Variants in CA8 observed in about 807,000 individuals in gnomAD.
CA8 encodes carbonic anhydrase-related protein.
Under a neutral mutation model 41.4 loss-of-function variants are expected in CA8, and 22 were observed. The observed-to-expected ratio is 0.53, with a 90% confidence interval of 0.38 to 0.76. The LOEUF (loss-of-function observed/expected upper bound fraction) is 0.76. Ranked by LOEUF, CA8 falls within the 30% of genes least tolerant of loss-of-function variation. CA8 has a pLI of 0.00. For missense variants in CA8, 270 were observed against 352.8 expected (o/e 0.77, Z 1.88); for synonymous variants, 121 against 130.6 (o/e 0.93, Z 0.50).
intron 2 of CA8, among the ~76,000 whole-genome samples, chr8:60,271,529 GA>G (rs1182514148): frequency 2.6e-5 from 4 of 152,134 alleles, no homozygotes; most frequent in Non-Finnish European, 5.9e-5. Flanking sequence ...GTTTGGGGGG[GA>G]AAAGTAGGAT....
At chr8:60,267,396 A>T (rs1000964205) in intron 2 of CA8, among the ~76,000 whole-genome samples, 1 of 152,232 alleles carries the variant, frequency 6.6e-6, no homozygotes, top group Admixed American at 6.5e-5. Context: ...AGCAAGAAGT[A>T]ACTTTAATTT....
chr8:60,267,489 G>C (rs983043816), intron 2 of CA8, among the ~76,000 whole-genome samples: 1 of 152,192 alleles, frequency 6.6e-6, no homozygotes, highest in African/African-American at 2.4e-5. Context: ...TATGATTTTA[G>C]ATTTTAGTGT....
intron 7 of CA8, among the ~76,000 whole-genome samples, chr8:60,210,801 G>A (rs989133834): frequency 6.6e-6 from 1 of 152,146 alleles, no homozygotes; most frequent in African/African-American, 2.4e-5. Flanking sequence ...GCAATCAGCT[G>A]TTTAATCTAC....
At chr8:60,206,223 G>A (rs1806573111) in intron 8 of CA8, among the ~76,000 whole-genome samples, 3 of 152,112 alleles carry the variant, frequency 2.0e-5, no homozygotes, top group African/African-American at 7.2e-5. Flanking sequence ...CTTCCTTTTA[G>A]AAATAGTACC....
At position 60,208,829 on chromosome 8, in the gene CA8, T is replaced by C; in HGVS notation, c.829A>G (p.Thr277Ala). The part of the protein sequence containing the change: ...DGILGDNFRP[T>A]QPLSDRVIRA... The stretch of plus-strand genomic sequence containing the variant: ...ATGACTCTGTCACTAAGAGGCTGAG[T>C]GGGCCGAAAGTTGTCTCCCAAAATC... Residue 277 changes from threonine (T) to alanine (A), a missense_variant, in exon 8 of 9, where the codon ACT becomes GCT. This residue lies in a region of CA8 where 141 missense variants were observed against 191.6 expected (regional missense o/e 0.74). Coordinates refer to ENST00000317995, the MANE Select transcript of CA8 (RefSeq NM_004056.6). 3 of 1,614,136 alleles carry C rather than the reference T, an allele frequency of 1.9e-6. No homozygotes were observed. Among genetic ancestry groups the C allele is most frequent in the Admixed American group, 3.3e-5 (2 of 60,016 alleles).
At chr8:60,246,018 A>C (rs1285115181) in intron 3 of CA8, among the ~76,000 whole-genome samples, 1 of 152,162 alleles carries the variant, frequency 6.6e-6, no homozygotes, top group Non-Finnish European at 1.5e-5. Flanking sequence ...TGGGAGCTCC[A>C]GTTAGGCAGT....
chr8:60,265,381 T>G (rs1803868546), intron 3 of CA8: 1 of 160,406 alleles, frequency 6.2e-6, no homozygotes, highest in African/African-American at 2.4e-5. Flanking sequence ...AGACATAAGA[T>G]TTCAACTGCG....
chr8:60,204,326 G>A (rs1000961227), intron 8 of CA8, among the ~76,000 whole-genome samples: 9 of 152,088 alleles, frequency 5.9e-5, no homozygotes, highest in African/African-American at 2.2e-4. Flanking sequence ...TAGGGTATCA[G>A]AACATATTAA....
rs1157169806 is a variant in CA8, at chr8:60,187,191, A to G, written c.*2830T>C. On this transcript the variant is annotated 3_prime_UTR_variant, in exon 9 of 9. Coordinates refer to ENST00000317995, the MANE Select transcript of CA8 (RefSeq NM_004056.6). ...ATAACAAATTTGGGAATTCATAAAT[A>G]TGTGGAAATTAAACAATGTACTCCT... is the stretch of plus-strand genomic sequence containing the variant. 6.6e-6 allele frequency among the ~76,000 whole-genome samples: 1 copy of G among 152,110 alleles called. No homozygotes were observed. The highest frequency in any genetic ancestry group is 6.6e-5 in the Admixed American group (1 of 15,260).
chr8:60,200,065 T>G (rs1585843292), intron 8 of CA8, among the ~76,000 whole-genome samples: 2 of 152,190 alleles, frequency 1.3e-5, no homozygotes, highest in South Asian at 2.1e-4. Context: ...ATTGATCATG[T>G]GGGCAGAGGC....
chr8:60,213,904 T>C (rs934488592), intron 7 of CA8, among the ~76,000 whole-genome samples: 1 of 152,080 alleles, frequency 6.6e-6, no homozygotes, highest in Non-Finnish European at 1.5e-5. Flanking sequence ...AGCGCTGATC[T>C]CAATTACATG....
intron 7 of CA8, among the ~76,000 whole-genome samples, chr8:60,211,233 G>A (rs1585856478): frequency 1.3e-5 from 2 of 152,240 alleles, no homozygotes; most frequent in East Asian, 3.8e-4. Context: ...CATAGGAAGT[G>A]TCTGACAAAT....
At chr8:60,207,781 G>A (rs772760680) in intron 8 of CA8, among the ~76,000 whole-genome samples, 2 of 152,130 alleles carry the variant, frequency 1.3e-5, no homozygotes, top group South Asian at 2.1e-4. Context: ...TTTGAGACAC[G>A]ATCTCAATCT....
intron 7 of CA8, among the ~76,000 whole-genome samples, chr8:60,220,423 A>C (rs1807204273): frequency 6.6e-6 from 1 of 152,226 alleles, no homozygotes; most frequent in Non-Finnish European, 1.5e-5. Flanking sequence ...AATTTAAGCC[A>C]GATGGAAGCC....
intron 8 of CA8, among the ~76,000 whole-genome samples, chr8:60,198,235 TTA>T (rs1392007236): frequency 6.6e-6 from 1 of 152,162 alleles, no homozygotes; most frequent in Non-Finnish European, 1.5e-5. Flanking sequence ...CTCAGTTTCT[TTA>T]TCTCTAAAAT....
At chr8:60,198,121 C>T (rs1806329647) in intron 8 of CA8, among the ~76,000 whole-genome samples, 1 of 152,114 alleles carries the variant, frequency 6.6e-6, no homozygotes, top group African/African-American at 2.4e-5. Flanking sequence ...AATGTGGTGT[C>T]GTGAAAAGAG....
intron 2 of CA8, among the ~76,000 whole-genome samples, chr8:60,275,814 A>AAAAC (rs1804213628): frequency 6.6e-6 from 1 of 152,196 alleles, no homozygotes; most frequent in Admixed American, 6.5e-5. Flanking sequence ...AGTAGTAAAG[A>AAAAC]AAACACTGTA....
intron 3 of CA8, among the ~76,000 whole-genome samples, chr8:60,239,351 G>A (rs531217687): frequency 6.6e-6 from 1 of 152,284 alleles, no homozygotes; most frequent in South Asian, 2.1e-4. Context: ...CTGCTGCCTT[G>A]AGAAAGGGCT....
intron 5 of CA8, among the ~76,000 whole-genome samples, chr8:60,224,988 C>T (rs1220332410): frequency 6.6e-6 from 1 of 151,860 alleles, no homozygotes. Flanking sequence ...CATTTCAGCT[C>T]CTAACCTTTC....
Sources: gnomAD v4.1 joint callset for allele counts (sites outside exome capture counted in the v4.1 genomes callset) on GRCh38, gnomAD v4.1.1 for gene constraint, gnomAD v4.1.1 regional missense constraint, MANE v1.5 for transcripts, NCBI Gene and HGNC (gene_info 2026-07-23, HGNC 2026-07-21) for gene names.